The following P3H2 variants were observed in gnomAD, a reference collection of about 807,000 sequenced individuals.
The protein encoded by P3H2 is leprecan-like 1.
In P3H2, 80 loss-of-function variants were observed where a neutral mutation model predicts 87.0. The ratio of observed to expected loss-of-function variants is 0.92; its 90% confidence interval spans 0.77 to 1.11. The LOEUF (loss-of-function observed/expected upper bound fraction) is 1.11. Ranked by LOEUF, P3H2 falls within the 50% of genes least tolerant of loss-of-function variation. The pLI is 0.00. For missense variants in P3H2, 1,001 were observed against 923.9 expected (o/e 1.08, Z -1.08); for synonymous variants, 367 against 359.3 (o/e 1.02, Z -0.24).
In P3H2 at chr3:190,000,079, T is replaced by G. The variant is rs1724163866; in HGVS notation, c.481-4637A>C. On this transcript the variant is annotated intron_variant, in intron 1 of 14. Coordinates refer to ENST00000319332, the MANE Select transcript of P3H2 (RefSeq NM_018192.4). The stretch of plus-strand genomic sequence containing the variant: ...ACGGATTGCTAAAGCACACATTGAC[T>G]ATTCAAAAATCTCCAGTAGTCATCC... Among the ~76,000 whole-genome samples the G allele has an allele frequency of 3.3e-5, 5 of 152,338 alleles. No homozygotes were observed. In the South Asian group the frequency reaches 1.0e-3, roughly 32 times the overall value.
intron 1 of P3H2, among the ~76,000 whole-genome samples, chr3:190,091,449 GC>G (rs1011447758): frequency 9.2e-5 from 14 of 152,170 alleles, no homozygotes; most frequent in African/African-American, 2.4e-4. Context: ...ATAATAGGAT[GC>G]CCCTATTTCC....
intron 1 of P3H2, among the ~76,000 whole-genome samples, chr3:190,085,218 C>G (rs1727173290): frequency 6.6e-6 from 1 of 152,102 alleles, no homozygotes; most frequent in Admixed American, 6.5e-5. Context: ...AGCTAGAACC[C>G]AATGTTGTTT....
intron 1 of P3H2, among the ~76,000 whole-genome samples, chr3:190,023,922 C>T (rs1391694508): frequency 6.6e-6 from 1 of 152,180 alleles, no homozygotes; most frequent in African/African-American, 2.4e-5. Context: ...ACCAATACCA[C>T]TTATTTTTAT....
In P3H2 at chr3:190,011,613, G is replaced by A. The variant is rs569546674; in HGVS notation, c.481-16171C>T. 2.0e-4 allele frequency among the ~76,000 whole-genome samples: 30 copies of A among 152,256 alleles called. No individual in the cohort carries two copies. In the South Asian group the frequency reaches 5.6e-3, roughly 28 times the overall value. ...AGTGCTGAAAACCCCAAATACCAGA[G>A]CACCCGACAGAAAGAGCTGCCTGGG... On this transcript the variant is annotated intron_variant, in intron 1 of 14. Transcript: ENST00000319332.
intron 1 of P3H2, among the ~76,000 whole-genome samples, chr3:190,015,202 C>T (rs1051980144): frequency 2.0e-5 from 3 of 151,966 alleles, no homozygotes; most frequent in East Asian, 3.9e-4. Flanking sequence ...TTTGCTGACA[C>T]GAAACCTCAC....
At chr3:190,054,717 T>A (rs1381339136) in intron 1 of P3H2, among the ~76,000 whole-genome samples, 1 of 152,314 alleles carries the variant, frequency 6.6e-6, no homozygotes, top group Non-Finnish European at 1.5e-5. Context: ...TATCCCTTCA[T>A]GGATTTCAGC....
chr3:189,994,362 GT>G, intron 2 of P3H2, 79 bp from the exon 3 acceptor site: 1 of 1,237,132 alleles, frequency 8.1e-7, no homozygotes, highest in Non-Finnish European at 1.2e-6. Context: ...AAAGAGAAGG[GT>G]TTTTGTTGAC....
Position 190,120,445 on chromosome 3 carries a change from G to A in P3H2, c.287C>T (p.Pro96Leu). 5 of 1,431,218 alleles carry A rather than the reference G, an allele frequency of 3.5e-6. No individual in the cohort carries two copies. Among genetic ancestry groups the A allele is most frequent in the Non-Finnish European group, 4.5e-6 (5 of 1,103,236 alleles). The allele number at this position is 1,431,218 out of a possible 1,614,324, so 88.7% of individuals were successfully genotyped here. A position where few individuals can be genotyped will look rare whatever the true frequency, so the allele number is the denominator to read the frequency against. The change falls in exon 1 of 15, where the codon CCC (proline) becomes CTC (leucine). Residue 96 changes from proline to leucine, a missense_variant. Pro to Leu is a moderately conservative substitution (Grantham distance 98, BLOSUM62 -3). Transcript: ENST00000319332. ...GCCGGGGCCCTCGCCGGGGGGCGGG[G>A]GCGGGAGCGGGTGGCGCGCCGCGCA... ...RHCAARHPLPPPPPGEGPGAE... is the reference protein window; with the variant it reads ...RHCAARHPLPLPPPGEGPGAE...
chr3:190,021,583 T>C (rs1300958577), intron 1 of P3H2, among the ~76,000 whole-genome samples: 1 of 134,880 alleles, frequency 7.4e-6, no homozygotes, highest in Admixed American at 7.5e-5. Flanking sequence ...TCTTTCAGTT[T>C]TAAAAAATAA....
At chr3:190,068,867 T>C (rs996455481) in intron 1 of P3H2, among the ~76,000 whole-genome samples, 9 of 152,170 alleles carry the variant, frequency 5.9e-5, no homozygotes, top group Admixed American at 1.3e-4. Context: ...CAAACCAATA[T>C]ATAATTTATA....
intron 1 of P3H2, among the ~76,000 whole-genome samples, chr3:190,002,391 TTTC>T (rs1458084974): frequency 6.6e-5 from 10 of 151,642 alleles, no homozygotes; most frequent in South Asian, 4.2e-4. Flanking sequence ...GGTTTCTTTC[TTTC>T]TTTTTTCTTT....
chr3:190,047,401 G>A (rs796975378), intron 1 of P3H2, among the ~76,000 whole-genome samples: 2 of 152,280 alleles, frequency 1.3e-5, no homozygotes, highest in African/African-American at 4.8e-5. Flanking sequence ...CAAGGGAAAG[G>A]AAACTAGTGT....
chr3:190,112,830 T>C (rs948349917), intron 1 of P3H2, among the ~76,000 whole-genome samples: 1 of 150,894 alleles, frequency 6.6e-6, no homozygotes, highest in African/African-American at 2.4e-5. Flanking sequence ...TGGCAAATGA[T>C]GACAAGGTCT....
At chr3:190,114,333 G>C (rs1396676193) in intron 1 of P3H2, among the ~76,000 whole-genome samples, 1 of 150,926 alleles carries the variant, frequency 6.6e-6, no homozygotes. Flanking sequence ...ACAGGCGCCT[G>C]CCACCACGCC....
chr3:190,077,443 CT>C (rs993963758), intron 1 of P3H2, among the ~76,000 whole-genome samples: 2 of 152,144 alleles, frequency 1.3e-5, no homozygotes, highest in African/African-American at 4.8e-5. Flanking sequence ...CCTTCTTTCT[CT>C]TTTTTACACA....
intron 1 of P3H2, among the ~76,000 whole-genome samples, chr3:190,109,029 G>C (rs1392066137): frequency 6.6e-6 from 1 of 152,206 alleles, no homozygotes; most frequent in East Asian, 1.9e-4. Flanking sequence ...ATACGGAGTG[G>C]AAGAAAGACA....
At chr3:189,979,418 G>A (rs1234241135) in intron 8 of P3H2, among the ~76,000 whole-genome samples, 1 of 151,664 alleles carries the variant, frequency 6.6e-6, no homozygotes, top group African/African-American at 2.4e-5. Flanking sequence ...ACAGAGTGAG[G>A]CTCTGGCTCT....
In P3H2 at chr3:190,046,296, C is replaced by T. The variant is rs150934102; in HGVS notation, c.481-50854G>A. ...GAATCCTGACTTACACAAGATATCACACTTATTTTGAATAAACGTCTTAAA... is the reference window on the plus strand; with the variant it reads ...GAATCCTGACTTACACAAGATATCATACTTATTTTGAATAAACGTCTTAAA... On this transcript the variant is annotated intron_variant, in intron 1 of 14. Coordinates refer to ENST00000319332, the MANE Select transcript of P3H2 (RefSeq NM_018192.4). 1.9e-3 allele frequency among the ~76,000 whole-genome samples: 284 copies of T among 152,276 alleles called. 3 individuals carry two copies. Among genetic ancestry groups the T allele is most frequent in the African/African-American group, 6.5e-3 (269 of 41,574 alleles).
intron 1 of P3H2, among the ~76,000 whole-genome samples, chr3:190,048,170 G>T (rs554325984): frequency 6.6e-6 from 1 of 152,042 alleles, no homozygotes; most frequent in Non-Finnish European, 1.5e-5. Context: ...TGATTCAAGA[G>T]ATTTTATTTT....
Sources: gnomAD v4.1 joint callset for allele counts (sites outside exome capture counted in the v4.1 genomes callset) on GRCh38, gnomAD v4.1.1 for gene constraint, MANE v1.5 for transcripts, NCBI Gene and HGNC (gene_info 2026-07-23, HGNC 2026-07-21) for gene names.